HPSE2: variants seen among roughly 807,000 people sequenced by gnomAD.
The protein encoded by HPSE2 is heparanase 2 (inactive).
Under a neutral mutation model 60.5 loss-of-function variants are expected in HPSE2, and 38 were observed. That is an observed-to-expected ratio of 0.63 (90% confidence interval 0.48 to 0.82). HPSE2 has a LOEUF of 0.82. Ranked by LOEUF, HPSE2 falls within the 40% of genes least tolerant of loss-of-function variation. HPSE2 has a pLI of 0.00. For missense variants in HPSE2, 713 were observed against 740.4 expected (o/e 0.96, Z 0.43); for synonymous variants, 295 against 293.2 (o/e 1.01, Z -0.06).
intron 2 of HPSE2, among the ~76,000 whole-genome samples, chr10:99,209,831 A>G (rs1848895051): frequency 6.6e-6 from 1 of 152,172 alleles, no homozygotes; most frequent in Admixed American, 6.5e-5. Context: ...CTGGGACTAC[A>G]GGTGCATGCC....
intron 3 of HPSE2, among the ~76,000 whole-genome samples, chr10:99,063,011 T>C (rs546271716): frequency 5.9e-5 from 9 of 152,298 alleles, no homozygotes; most frequent in African/African-American, 2.2e-4. Context: ...CTTGTCATGG[T>C]GTGCATTTCT....
chr10:99,083,386 A>C (rs1261441107), intron 3 of HPSE2, among the ~76,000 whole-genome samples: 1 of 152,232 alleles, frequency 6.6e-6, no homozygotes, highest in African/African-American at 2.4e-5. Context: ...GAAAATGTGA[A>C]CTAGATAACC....
intron 3 of HPSE2, among the ~76,000 whole-genome samples, chr10:98,993,499 T>C (rs181497544): frequency 6.6e-6 from 1 of 152,370 alleles, no homozygotes; most frequent in East Asian, 1.9e-4. Context: ...TGCCATTCAT[T>C]AAACCTTTGA....
At chr10:98,723,313 C>T (rs1220559400) in intron 4 of HPSE2, among the ~76,000 whole-genome samples, 1 of 152,114 alleles carries the variant, frequency 6.6e-6, no homozygotes, top group Non-Finnish European at 1.5e-5. Flanking sequence ...AGGGATGAAG[C>T]CCACTTGATC....
chr10:99,181,137 G>T (rs1252687897), intron 2 of HPSE2, among the ~76,000 whole-genome samples: 1 of 151,696 alleles, frequency 6.6e-6, no homozygotes, highest in Non-Finnish European at 1.5e-5. Context: ...GGTGGCTCAC[G>T]CCTGTAATCC....
At chr10:98,723,454 G>T (rs1227551222) in intron 4 of HPSE2, among the ~76,000 whole-genome samples, 2 of 152,050 alleles carry the variant, frequency 1.3e-5, no homozygotes, top group African/African-American at 4.8e-5. Flanking sequence ...GCCAGGCTTT[G>T]GTATCAGGAT....
At chr10:98,973,584 C>G (rs1956012367) in intron 3 of HPSE2, among the ~76,000 whole-genome samples, 1 of 152,168 alleles carries the variant, frequency 6.6e-6, no homozygotes, top group Admixed American at 6.5e-5. Context: ...GCCTACAAAA[C>G]TTTAAAAAGC....
chr10:98,900,777 T>C (rs747087003), intron 3 of HPSE2, among the ~76,000 whole-genome samples: 31 of 152,278 alleles, frequency 2.0e-4, no homozygotes, highest in Non-Finnish European at 1.8e-4. Flanking sequence ...GAATGTAAAA[T>C]AGTACCATCA....
At chr10:99,049,083 G>A (rs1260247662) in intron 3 of HPSE2, among the ~76,000 whole-genome samples, 3 of 152,104 alleles carry the variant, frequency 2.0e-5, no homozygotes, top group Non-Finnish European at 4.4e-5. Flanking sequence ...TACTAGAGGA[G>A]GGAAGAACGG....
At chr10:98,876,390 C>A (rs1331819421) in intron 3 of HPSE2, among the ~76,000 whole-genome samples, 1 of 151,744 alleles carries the variant, frequency 6.6e-6, no homozygotes, top group African/African-American at 2.4e-5. Flanking sequence ...AGAGGCAGCG[C>A]CTTCCAAATC....
intron 3 of HPSE2, among the ~76,000 whole-genome samples, chr10:98,915,784 G>GA (rs1954104965): frequency 6.6e-6 from 1 of 152,188 alleles, no homozygotes. Context: ...AGAGCATGCG[G>GA]AAAGGAATGA....
At chr10:99,099,794 C>T (rs914243196) in intron 3 of HPSE2, among the ~76,000 whole-genome samples, 1 of 152,172 alleles carries the variant, frequency 6.6e-6, no homozygotes, top group Admixed American at 6.5e-5. Context: ...TGAGACGAAG[C>T]TTCCAGAGAA....
chr10:98,602,897 A>C (rs1945468717), intron 9 of HPSE2, among the ~76,000 whole-genome samples: 3 of 152,200 alleles, frequency 2.0e-5, no homozygotes, highest in Admixed American at 2.0e-4. Context: ...CCTTGAATTG[A>C]ACACCAAAAG....
chr10:98,467,029 C>T (rs1318401971), intron 11 of HPSE2, among the ~76,000 whole-genome samples: 2 of 152,162 alleles, frequency 1.3e-5, no homozygotes, highest in African/African-American at 2.4e-5. Flanking sequence ...TATCTAATCG[C>T]GGCCTAAGCA....
chr10:99,284,394 CAT>C, the HPSE2 span, among the ~76,000 whole-genome samples: 1 of 151,982 alleles, frequency 6.6e-6, no homozygotes, highest in Non-Finnish European at 1.5e-5. Flanking sequence ...TGATAAAGGC[CAT>C]ATACAAAAAA....
At chr10:98,872,957 C>T (rs1026307535) in intron 3 of HPSE2, among the ~76,000 whole-genome samples, 8 of 152,080 alleles carry the variant, frequency 5.3e-5, no homozygotes. Flanking sequence ...AATGTGGCTT[C>T]CGTTGAAGGG....
chr10:98,513,035 T>C (rs887221366), intron 9 of HPSE2, among the ~76,000 whole-genome samples: 2 of 152,214 alleles, frequency 1.3e-5, no homozygotes, highest in African/African-American at 4.8e-5. Context: ...GATTATCCAG[T>C]TCATATGTGT....
chr10:98,985,686 C>T (rs187447078), intron 3 of HPSE2, among the ~76,000 whole-genome samples: 137 of 152,252 alleles, frequency 9.0e-4, no homozygotes, highest in Middle Eastern at 3.4e-3. Context: ...AATTAAAAGA[C>T]ACAGACTGGC....
At chr10:98,674,712 C>T (rs1052224095) in intron 6 of HPSE2, among the ~76,000 whole-genome samples, 8 of 152,042 alleles carry the variant, frequency 5.3e-5, no homozygotes, top group Non-Finnish European at 8.8e-5. Flanking sequence ...GTCAGGAGTT[C>T]GAGACCAGCC....
Sources: allele counts gnomAD v4.1 joint callset (sites outside exome capture counted in the v4.1 genomes callset), GRCh38; gene constraint gnomAD v4.1.1; transcripts MANE v1.5; gene names NCBI Gene and HGNC (gene_info 2026-07-23, HGNC 2026-07-21).